The following ANKH variants were observed in gnomAD, a reference collection of about 807,000 sequenced individuals.
The protein encoded by ANKH is ANKH inorganic pyrophosphate transport regulator.
ANKH carries 15 observed loss-of-function variants against 49.0 expected under a neutral mutation model. The ratio of observed to expected loss-of-function variants is 0.31; its 90% CI spans 0.20 to 0.47. ANKH has a LOEUF of 0.47. Among genes scored for constraint, ANKH ranks in the 20% least tolerant of loss-of-function variants. The pLI, the probability that ANKH is intolerant of heterozygous loss-of-function variation, is 1.00. For synonymous variants in ANKH, 273 were observed against 260.0 expected (o/e 1.05, Z -0.48); for missense variants, 429 against 652.0 (o/e 0.66, Z 3.72).
chr5:14,719,217 GTT>G (rs1367787463), intron 8 of ANKH, among the ~76,000 whole-genome samples: 4 of 152,220 alleles, frequency 2.6e-5, no homozygotes, highest in Admixed American at 6.5e-5. Context: ...GGAGCAATAA[GTT>G]TTGAAGGCGG....
At chr5:14,829,184 C>CAAAAAAAAAAAAA (rs56223225) in intron 1 of ANKH, among the ~76,000 whole-genome samples, 1 of 106,020 alleles carries the variant, frequency 9.4e-6, no homozygotes. Context: ...GACTCTGTCT[C>CAAAAAAAAAAAAA]AAAAAAAAAA....
chr5:14,778,689 T>C (rs1739711025), intron 1 of ANKH, among the ~76,000 whole-genome samples: 3 of 152,182 alleles, frequency 2.0e-5, no homozygotes, highest in Admixed American at 2.0e-4. Flanking sequence ...CTTCCCTTCC[T>C]TACTACTGCA....
At chr5:14,862,635 C>A (rs1039667916) in intron 1 of ANKH, among the ~76,000 whole-genome samples, 4 of 152,196 alleles carry the variant, frequency 2.6e-5, no homozygotes, top group Non-Finnish European at 5.9e-5. Context: ...TTCATGTCCA[C>A]AGACTTACTG....
intron 8 of ANKH, among the ~76,000 whole-genome samples, chr5:14,727,570 A>G (rs1737861637): frequency 6.6e-6 from 1 of 151,962 alleles, no homozygotes; most frequent in South Asian, 2.1e-4. Flanking sequence ...TCCAACTCCT[A>G]TTCCTTTTCT....
chr5:14,723,677 T>G (rs973618501), intron 8 of ANKH, among the ~76,000 whole-genome samples: 2 of 152,150 alleles, frequency 1.3e-5, no homozygotes, highest in Admixed American at 1.3e-4. Flanking sequence ...AAGATGACGA[T>G]TCATAATTCA....
rs1016074627 is a variant in ANKH at position 14,737,870 on chromosome 5, T to C, written c.1011+3957A>G. Among the ~76,000 whole-genome samples, 4 of 152,224 alleles carry C rather than the reference T, an allele frequency of 2.6e-5. No homozygotes were observed. The highest frequency in any genetic ancestry group is 2.0e-4 in the Admixed American group (3 of 15,278). On this transcript the variant is annotated intron_variant, in intron 8 of 11. Transcript: ENST00000284268. The surrounding 1 kb of genome is among the most constrained non-coding windows in gnomAD (Gnocchi z 5.0). ...GTTCTACTGTTTTGAAGCCAATCTT[T>C]TGGATCAACTAAAGGTACCCCCTTT...
At chr5:14,861,874 T>C (rs906051974) in intron 1 of ANKH, among the ~76,000 whole-genome samples, 46 of 152,208 alleles carry the variant, frequency 3.0e-4, no homozygotes, top group Non-Finnish European at 1.0e-4. Flanking sequence ...TCTAGAGGAA[T>C]AAATATTGTC....
intron 1 of ANKH, among the ~76,000 whole-genome samples, chr5:14,813,537 T>C (rs1322880354): frequency 6.6e-6 from 1 of 151,880 alleles, no homozygotes; most frequent in African/African-American, 2.4e-5. Context: ...GTCCTCAGCT[T>C]TGTAGTGTGA....
rs528084507 is a variant in ANKH at position 14,798,482 on chromosome 5, G to A, written c.97-29291C>T. ...GGCTGCAGGCGTTCGCTCTGCGCAC[G>A]CGGTCTCTATTTTTTTTTTTAATTA... On this transcript the variant is annotated intron_variant, in intron 1 of 11. Transcript: ENST00000284268. 8.7e-5 allele frequency: 89 copies of A among 1,023,498 alleles called. No homozygotes were observed. The Admixed American group carries it at 1.2e-3, about 14-fold the overall frequency. 63.4% of individuals were successfully genotyped at this position (1,023,498 alleles called of 1,614,324 possible). A position where few individuals can be genotyped will look rare whatever the true frequency, so the allele number is the denominator to read the frequency against.
chr5:14,768,337 C>G (rs750510569), intron 2 of ANKH: 1 of 153,690 alleles, frequency 6.5e-6, no homozygotes, highest in Non-Finnish European at 1.4e-5. Context: ...TTTAAAGCCA[C>G]GACGGAAGTC....
chr5:14,742,516 CTCTT>C (rs1245094020), intron 7 of ANKH, among the ~76,000 whole-genome samples: 1 of 152,188 alleles, frequency 6.6e-6, no homozygotes, highest in Non-Finnish European at 1.5e-5. Flanking sequence ...AAAAACATCC[CTCTT>C]TCTAAGGCCC....
In ANKH at chr5:14,705,261, C is replaced by T. The variant is rs1279096629; in HGVS notation, c.*5936G>A. ...AGCCACAGCCCATGTAGAGGAATGA[C>T]TCTAAGCACACTTAATTTTGTTTAA... On this transcript the variant is annotated 3_prime_UTR_variant, in exon 12 of 12. Transcript: ENST00000284268. The T allele has an allele frequency of 2.0e-5, 3 of 151,976 alleles. No homozygotes were observed. The highest frequency in any genetic ancestry group is 7.3e-5 in the African/African-American group (3 of 41,350). 9.4% of individuals were successfully genotyped at this position (151,976 alleles called of 1,614,324 possible). A position where few individuals can be genotyped will look rare whatever the true frequency, so the allele number is the denominator to read the frequency against.
chr5:14,866,632 T>G (rs1036471954), intron 1 of ANKH, among the ~76,000 whole-genome samples: 1 of 152,214 alleles, frequency 6.6e-6, no homozygotes, highest in Non-Finnish European at 1.5e-5. Context: ...CATGCTCCTT[T>G]CCTTAGCAAT....
chr5:14,823,576 T>C (rs1415424207), intron 1 of ANKH, among the ~76,000 whole-genome samples: 1 of 152,166 alleles, frequency 6.6e-6, no homozygotes, highest in East Asian at 1.9e-4. Flanking sequence ...AGATCAAAAC[T>C]CACAAATGAC....
intron 1 of ANKH, among the ~76,000 whole-genome samples, chr5:14,853,925 A>G (rs945329112): frequency 5.9e-5 from 9 of 152,162 alleles, no homozygotes; most frequent in African/African-American, 2.2e-4. Flanking sequence ...ATCAAATTCA[A>G]TTCCAGATGG....
rs1221748531 is a variant in ANKH at position 14,795,928 on chromosome 5, G to A, written c.97-26737C>T. On this transcript the variant is annotated intron_variant, in intron 1 of 11. Coordinates refer to ENST00000284268, the MANE Select transcript of ANKH (RefSeq NM_054027.6). ...ATATCCTAAGATAAGCCCTGAGACC[G>A]TGAGGCTGGTTAATTATTCCTTTTG... Among the ~76,000 whole-genome samples, 54 of 151,718 alleles carry A rather than the reference G, an allele frequency of 3.6e-4. 1 individual carries two copies. Among genetic ancestry groups the A allele is most frequent in the Admixed American group, 3.4e-3 (52 of 15,222 alleles).
intron 2 of ANKH, among the ~76,000 whole-genome samples, chr5:14,767,999 C>T (rs1231046309): frequency 6.6e-6 from 1 of 152,206 alleles, no homozygotes; most frequent in Non-Finnish European, 1.5e-5. Flanking sequence ...GGCTGAATGT[C>T]TGGTCCATCA....
intron 1 of ANKH, among the ~76,000 whole-genome samples, chr5:14,860,465 C>T (rs1454449537): frequency 1.3e-5 from 2 of 152,148 alleles, no homozygotes; most frequent in Non-Finnish European, 2.9e-5. Flanking sequence ...AGCGTCCCAG[C>T]CACAGTGAAT....
chr5:14,746,033 C>T lies in ANKH; in HGVS notation c.823-71G>A, dbSNP rs557837957. On this transcript the variant is annotated intron_variant, in intron 6 of 11. Transcript: ENST00000284268. ...GTCCTCCAGGAGCTACAGTAGGTGACGAAGCACGCCGACTCAGGTGCAGCC... is the reference window on the plus strand; with the variant it reads ...GTCCTCCAGGAGCTACAGTAGGTGATGAAGCACGCCGACTCAGGTGCAGCC... 9.1e-5 allele frequency: 112 copies of T among 1,226,700 alleles called. 1 individual carries two copies. In the South Asian group the frequency reaches 1.1e-3, roughly 12 times the overall value. 76.0% of individuals were successfully genotyped at this position (1,226,700 alleles called of 1,614,324 possible). A position where few individuals can be genotyped will look rare whatever the true frequency, so the allele number is the denominator to read the frequency against.
Sources: allele counts gnomAD v4.1 joint callset (sites outside exome capture counted in the v4.1 genomes callset), GRCh38; gene constraint gnomAD v4.1.1; non-coding constraint Gnocchi (gnomAD v3.1); transcripts MANE v1.5; gene names NCBI Gene and HGNC (gene_info 2026-07-23, HGNC 2026-07-21).